The following SESTD1 variants were observed in gnomAD, a reference collection of about 807,000 sequenced individuals.
SESTD1 encodes the protein SEC14 domain and spectrin repeat-containing protein 1.
In SESTD1, 43 loss-of-function variants were observed where a neutral mutation model predicts 101.7. That is an observed-to-expected ratio of 0.42 (90% confidence interval 0.33 to 0.55). The LOEUF (loss-of-function observed/expected upper bound fraction) is 0.55, where lower values mean the gene tolerates loss of function less well. Among genes scored for constraint, SESTD1 ranks in the 20% least tolerant of loss-of-function variants. The probability of loss-of-function intolerance (pLI) is 0.07; values close to 1 mark genes in which losing one functional copy is unlikely to be tolerated. For missense variants in SESTD1, 647 were observed against 815.1 expected (o/e 0.79, Z 2.51); for synonymous variants, 283 against 286.8 (o/e 0.99, Z 0.13).
intron 5 of SESTD1, 57 bp from the exon 6 acceptor site, chr2:179,151,448 A>C: frequency 3.2e-6 from 4 of 1,257,116 alleles, no homozygotes; most frequent in Non-Finnish European, 4.4e-6. Flanking sequence ...AAATCCACGA[A>C]AGTAACCAGG....
At chr2:179,180,823 A>G (rs888803924) in intron 3 of SESTD1, among the ~76,000 whole-genome samples, 4 of 152,178 alleles carry the variant, frequency 2.6e-5, no homozygotes, top group African/African-American at 9.6e-5. Flanking sequence ...GAGATCAAAA[A>G]CACCTTAGCT....
intron 9 of SESTD1, among the ~76,000 whole-genome samples, chr2:179,140,381 GA>G (rs1338490156): frequency 6.6e-6 from 1 of 152,038 alleles, no homozygotes; most frequent in Non-Finnish European, 1.5e-5. Flanking sequence ...ATAAGGAGAG[GA>G]AATCTGGACA....
rs1375376852 is a variant in SESTD1, at chr2:179,177,855, T to G, written c.165-1317A>C. Among the ~76,000 whole-genome samples the G allele has an allele frequency of 2.2e-4, 33 of 152,176 alleles. 1 individual carries two copies. ...ACAGTATAACCAAACAATGAGACAT[T>G]ATTCAGCCATAAAAAAAGAATGAAG... On this transcript the variant is annotated intron_variant, in intron 3 of 17. Transcript: ENST00000428443.
At chr2:179,199,455 T>G (rs576289816) in intron 1 of SESTD1, among the ~76,000 whole-genome samples, 1 of 152,348 alleles carries the variant, frequency 6.6e-6, no homozygotes, top group East Asian at 1.9e-4. Flanking sequence ...ACTCATTTTA[T>G]GAGGCCAGCA....
In SESTD1 at chr2:179,106,712, C is replaced by A. The variant is rs191743636; in HGVS notation, c.*3187G>T. 3.5e-4 allele frequency: 54 copies of A among 152,220 alleles called. No individual in the cohort carries two copies. Among genetic ancestry groups the A allele is most frequent in the African/African-American group, 1.3e-3 (53 of 41,544 alleles). The allele number at this position is 152,220 out of a possible 1,614,324, so 9.4% of individuals were successfully genotyped here. On this transcript the variant is annotated 3_prime_UTR_variant, in exon 18 of 18. Transcript: ENST00000428443. ...CTTCTACCTAACAATGAAGCCTAGA[C>A]CTGCCATCAATATCCCAGCTGGCAG...
intron 1 of SESTD1, among the ~76,000 whole-genome samples, chr2:179,253,799 C>G (rs1574070346): frequency 6.6e-6 from 1 of 152,264 alleles, no homozygotes; most frequent in African/African-American, 2.4e-5. Flanking sequence ...TGTCCTCTTA[C>G]ACCTTTTAAA....
intron 2 of SESTD1, among the ~76,000 whole-genome samples, chr2:179,184,943 A>G (rs1490091311): frequency 6.6e-6 from 1 of 152,188 alleles, no homozygotes; most frequent in East Asian, 1.9e-4. Flanking sequence ...AGCCAACAGG[A>G]AAAAGACTTT....
chr2:179,194,573 T>C (rs116557002), intron 1 of SESTD1, among the ~76,000 whole-genome samples: 1 of 152,088 alleles, frequency 6.6e-6, no homozygotes, highest in Non-Finnish European at 1.5e-5. Flanking sequence ...GGTGAGCAGA[T>C]GAAGTGCATA....
intron 1 of SESTD1, among the ~76,000 whole-genome samples, chr2:179,251,530 A>G (rs1437375853): frequency 3.9e-5 from 6 of 152,194 alleles, no homozygotes; most frequent in Non-Finnish European, 8.8e-5. Context: ...TCACCAGTCT[A>G]TGCTCAATGT....
At chr2:179,221,314 TAA>T (rs11443133) in intron 1 of SESTD1, among the ~76,000 whole-genome samples, 2 of 145,522 alleles carry the variant, frequency 1.4e-5, no homozygotes, top group Non-Finnish European at 1.5e-5. Context: ...AAAGTCCCAT[TAA>T]AAAAAAAAAA....
At chr2:179,187,274 T>C (rs1181653911) in intron 2 of SESTD1, among the ~76,000 whole-genome samples, 1 of 152,076 alleles carries the variant, frequency 6.6e-6, no homozygotes, top group African/African-American at 2.4e-5. Flanking sequence ...ATATTAGCCT[T>C]GAATGTAAAA....
Position 179,116,703 on chromosome 2 carries a change from G to C in SESTD1, c.1612C>G (p.Leu538Val), listed in dbSNP as rs764706104. The change falls in exon 15 of 18, where the codon CTG becomes GTG. Residue 538 changes from leucine (L) to valine (V), a missense_variant. Coordinates refer to ENST00000428443, the MANE Select transcript of SESTD1 (RefSeq NM_178123.5). ...TCAACAAATTTTCTATGCTTTTCCAGCAAAACTTTCGTTTCTTGAGCATCA... is the reference window on the plus strand; with the variant it reads ...TCAACAAATTTTCTATGCTTTTCCACCAAAACTTTCGTTTCTTGAGCATCA... ...GDDAQETKVL[L>V]EKHRKFVDVA... is the part of the protein sequence containing the mutation. 7 of 1,614,116 alleles carry C rather than the reference G, an allele frequency of 4.3e-6. No individual in the cohort carries two copies. In the South Asian group the frequency reaches 6.6e-5, roughly 15 times the overall value.
intron 1 of SESTD1, among the ~76,000 whole-genome samples, chr2:179,248,784 G>A (rs2047270166): frequency 6.6e-6 from 1 of 151,826 alleles, no homozygotes; most frequent in African/African-American, 2.4e-5. Context: ...TTTTTCCTAA[G>A]ATAAAGAATA....
intron 1 of SESTD1, among the ~76,000 whole-genome samples, chr2:179,193,702 G>C (rs1192810150): frequency 6.6e-6 from 1 of 152,112 alleles, no homozygotes; most frequent in Admixed American, 6.5e-5. Flanking sequence ...CAAACAGCTT[G>C]TTGTTTTCCA....
intron 17 of SESTD1, among the ~76,000 whole-genome samples, chr2:179,111,934 T>C (rs1234326054): frequency 1.3e-5 from 2 of 152,168 alleles, no homozygotes; most frequent in African/African-American, 2.4e-5. Context: ...TTAGCCAGGA[T>C]GGTCTCCATC....
intron 5 of SESTD1, among the ~76,000 whole-genome samples, chr2:179,157,393 A>C (rs2045652253): frequency 6.6e-6 from 1 of 152,206 alleles, no homozygotes; most frequent in Admixed American, 6.5e-5. Context: ...GGAACCAAAA[A>C]AGAGCCCGTA....
intron 2 of SESTD1, among the ~76,000 whole-genome samples, chr2:179,183,955 C>A (rs1287445941): frequency 6.6e-6 from 1 of 151,684 alleles, no homozygotes; most frequent in East Asian, 1.9e-4. Context: ...TAAACCAAGT[C>A]AAAAGAGTAT....
chr2:179,121,997 G>T, intron 12 of SESTD1, 68 bp from the exon 13 acceptor site: 2 of 1,468,398 alleles, frequency 1.4e-6, no homozygotes, highest in Non-Finnish European at 1.8e-6. Context: ...CAAACAAATC[G>T]TCTCATCAGA....
chr2:179,244,727 A>C (rs917944669), intron 1 of SESTD1, among the ~76,000 whole-genome samples: 13 of 152,246 alleles, frequency 8.5e-5, no homozygotes, highest in Admixed American at 2.0e-4. Flanking sequence ...AGCGGGAACA[A>C]ACAAAAAAAG....
Sources: gnomAD v4.1 joint callset for allele counts (sites outside exome capture counted in the v4.1 genomes callset) on GRCh38, gnomAD v4.1.1 for gene constraint, MANE v1.5 for transcripts, NCBI Gene and HGNC (gene_info 2026-07-23, HGNC 2026-07-21) for gene names.